The following CSMD2 variants were observed in gnomAD, a reference collection of about 807,000 sequenced individuals.
The protein encoded by CSMD2 is CUB and sushi domain-containing protein 2.
CSMD2 carries 130 observed loss-of-function variants against 398.5 expected under a neutral mutation model. The observed-to-expected ratio is 0.33, with a 90% CI of 0.28 to 0.38. The LOEUF (loss-of-function observed/expected upper bound fraction) is 0.38. CSMD2 is among the 10% of genes least tolerant of loss of function. The pLI is 1.00. For missense variants in CSMD2, 3,829 were observed against 4,764.9 expected, an observed-to-expected ratio of 0.80 and a Z score of 5.78; for synonymous variants, 1,828 against 1,908.5, an observed-to-expected ratio of 0.96 and a Z score of 1.10.
chr1:34,104,479 G>A (rs944908288), intron 1 of CSMD2, among the ~76,000 whole-genome samples: 1 of 152,224 alleles, frequency 6.6e-6, no homozygotes, highest in African/African-American at 2.4e-5. Context: ...ATGCCAGTGG[G>A]ACATCCAGAC....
At chr1:33,627,582 G>A (rs1029346688) in intron 32 of CSMD2, among the ~76,000 whole-genome samples, 1 of 152,186 alleles carries the variant, frequency 6.6e-6, no homozygotes, top group African/African-American at 2.4e-5. Context: ...CTACTGGGAG[G>A]TCCACCTGTA....
chr1:33,817,942 T>G (rs1323243792), intron 9 of CSMD2, among the ~76,000 whole-genome samples: 1 of 152,208 alleles, frequency 6.6e-6, no homozygotes, highest in African/African-American at 2.4e-5. Context: ...GAACTCAGAC[T>G]TCAGTGGGTC....
At chr1:33,888,960 CG>C (rs1355241495) in intron 5 of CSMD2, among the ~76,000 whole-genome samples, 4 of 152,008 alleles carry the variant, frequency 2.6e-5, no homozygotes, top group Non-Finnish European at 5.9e-5. Context: ...TTAGTAGAGA[CG>C]GAGTTTCACC....
intron 4 of CSMD2, among the ~76,000 whole-genome samples, chr1:33,924,981 T>A (rs1644074570): frequency 6.6e-6 from 1 of 152,220 alleles, no homozygotes; most frequent in Non-Finnish European, 1.5e-5. Flanking sequence ...TGCAAATATT[T>A]TCTCGTCTTT....
At chr1:33,550,386 A>G (rs1657331649) in intron 55 of CSMD2, 36 bp from the exon 56 acceptor site, 3 of 1,596,272 alleles carry the variant, frequency 1.9e-6, no homozygotes, top group African/African-American at 2.7e-5. Context: ...ATGACTCTGC[A>G]CAGGGATGGC....
At chr1:33,583,930 T>A in intron 46 of CSMD2, 100 bp from the exon 47 acceptor site, 1 of 990,392 alleles carries the variant, frequency 1.0e-6, no homozygotes, top group Non-Finnish European at 1.5e-6. Context: ...CCCTAGAAAA[T>A]CAGTATTTGA....
intron 4 of CSMD2, among the ~76,000 whole-genome samples, chr1:33,928,687 A>G (rs1452151125): frequency 1.3e-5 from 2 of 152,206 alleles, no homozygotes; most frequent in African/African-American, 4.8e-5. Flanking sequence ...TAATTGCAAA[A>G]GTGATGGAAG....
chr1:33,540,029 C>A (rs1270133602), intron 60 of CSMD2, among the ~76,000 whole-genome samples: 1 of 152,164 alleles, frequency 6.6e-6, no homozygotes, highest in Non-Finnish European at 1.5e-5. Flanking sequence ...GAATAAGTGA[C>A]CCAGAACCTG....
intron 55 of CSMD2, among the ~76,000 whole-genome samples, chr1:33,554,016 G>C (rs1297261742): frequency 1.3e-5 from 2 of 151,924 alleles, no homozygotes; most frequent in African/African-American, 4.8e-5. Context: ...GCAAGCAGAG[G>C]TTGGCTTATG....
intron 29 of CSMD2, among the ~76,000 whole-genome samples, chr1:33,639,898 A>G (rs866319416): frequency 2.0e-5 from 3 of 152,346 alleles, no homozygotes; most frequent in Admixed American, 6.5e-5. Context: ...TGTGTCTCAC[A>G]ATACCCTCTG....
At chr1:33,660,520 A>G (rs1405196085) in intron 26 of CSMD2, among the ~76,000 whole-genome samples, 1 of 152,200 alleles carries the variant, frequency 6.6e-6, no homozygotes, top group Non-Finnish European at 1.5e-5. Flanking sequence ...AATACACACT[A>G]TAAAGTTAAC....
chr1:33,803,993 T>C (rs1655929734), intron 10 of CSMD2, among the ~76,000 whole-genome samples: 1 of 152,240 alleles, frequency 6.6e-6, no homozygotes, highest in Non-Finnish European at 1.5e-5. Context: ...AAGACGGGGT[T>C]TAAATCCCAG....
At chr1:34,150,082 T>C (rs566910286) in intron 1 of CSMD2, among the ~76,000 whole-genome samples, 1 of 143,532 alleles carries the variant, frequency 7.0e-6, no homozygotes, top group African/African-American at 2.5e-5. Flanking sequence ...CTTCTTTCTT[T>C]TTTTTTTGTT....
At chr1:33,910,573 G>A (rs1419164121) in intron 5 of CSMD2, among the ~76,000 whole-genome samples, 1 of 152,220 alleles carries the variant, frequency 6.6e-6, no homozygotes, top group Non-Finnish European at 1.5e-5. Context: ...CAGCCAATGA[G>A]GACATCCCTT....
chr1:33,862,696 C>T (rs1639631541), intron 5 of CSMD2, among the ~76,000 whole-genome samples: 1 of 152,146 alleles, frequency 6.6e-6, no homozygotes, highest in Admixed American at 6.5e-5. Flanking sequence ...ACAACTACAG[C>T]TTGTCCCCTG....
chr1:33,923,371 A>G (rs1222162757), intron 4 of CSMD2, among the ~76,000 whole-genome samples: 1 of 152,122 alleles, frequency 6.6e-6, no homozygotes, highest in Non-Finnish European at 1.5e-5. Context: ...TGCTCTGGTC[A>G]TGTGAAGTGC....
chr1:34,158,420 C>T (rs1320223291), intron 1 of CSMD2, among the ~76,000 whole-genome samples: 1 of 152,154 alleles, frequency 6.6e-6, no homozygotes, highest in Non-Finnish European at 1.5e-5. Flanking sequence ...GAGATAAATC[C>T]AGGGAGGGCA....
intron 19 of CSMD2, among the ~76,000 whole-genome samples, chr1:33,720,920 C>T (rs959295379): frequency 2.0e-5 from 3 of 152,030 alleles, no homozygotes; most frequent in Admixed American, 2.0e-4. Flanking sequence ...AGGCTGGCCT[C>T]GAACTCCCAA....
intron 10 of CSMD2, among the ~76,000 whole-genome samples, chr1:33,802,900 G>GTAACCCCAAAC (rs1553212405): frequency 6.6e-6 from 1 of 152,016 alleles, no homozygotes. Context: ...ATGCCCCAAA[G>GTAACCCCAAAC]TAACCCCAAA....
Sources: allele counts gnomAD v4.1 joint callset (sites outside exome capture counted in the v4.1 genomes callset), GRCh38; gene constraint gnomAD v4.1.1; transcripts MANE v1.5; gene names NCBI Gene and HGNC (gene_info 2026-07-23, HGNC 2026-07-21).